Variants in RBFOX2 observed in about 807,000 individuals in gnomAD.
RBFOX2 encodes the protein RNA binding fox-1 homolog 2, also known as RNA binding protein fox-1 homolog 2.
Under a neutral mutation model 49.1 loss-of-function variants are expected in RBFOX2, and 10 were observed. That is an observed-to-expected ratio of 0.20 (90% CI 0.13 to 0.35). The LOEUF (loss-of-function observed/expected upper bound fraction) is 0.35, where lower values mean the gene tolerates loss of function less well. Among genes scored for constraint, RBFOX2 ranks in the 10% least tolerant of loss-of-function variants. The probability of loss-of-function intolerance (pLI) is 1.00; values close to 1 mark genes in which losing one functional copy is unlikely to be tolerated. For missense variants in RBFOX2, 323 were observed against 486.9 expected (o/e 0.66, Z 3.17); for synonymous variants, 183 against 187.4 (o/e 0.98, Z 0.19).
At chr22:35,786,697 C>T (rs937076269) in intron 2 of RBFOX2, among the ~76,000 whole-genome samples, 54 of 152,192 alleles carry the variant, frequency 3.5e-4, no homozygotes, top group Non-Finnish European at 2.6e-4. Flanking sequence ...ATATTATTTT[C>T]TTTAACCCTC....
intron 1 of RBFOX2, among the ~76,000 whole-genome samples, chr22:35,909,036 G>T (rs1425226706): frequency 2.0e-5 from 3 of 152,200 alleles, no homozygotes; most frequent in East Asian, 1.9e-4. Flanking sequence ...TATAGACAGG[G>T]TTTCACTGTG....
chr22:35,941,068 A>G (rs2053640523), upstream of RBFOX2, among the ~76,000 whole-genome samples: 2 of 152,194 alleles, frequency 1.3e-5, no homozygotes, highest in African/African-American at 4.8e-5. Flanking sequence ...CATAAATGCG[A>G]GATTTATGGT....
intron 1 of RBFOX2, among the ~76,000 whole-genome samples, chr22:35,932,686 GC>G (rs2052568720): frequency 6.6e-6 from 1 of 152,160 alleles, no homozygotes; most frequent in Admixed American, 6.5e-5. Context: ...TTTGAGATCA[GC>G]CTGGCCAACA....
chr22:35,806,184 T>C (rs1950698259), intron 2 of RBFOX2, among the ~76,000 whole-genome samples: 1 of 152,062 alleles, frequency 6.6e-6, no homozygotes, highest in Admixed American at 6.6e-5. Context: ...ACCACTCTGG[T>C]GTGCAATGTT....
chr22:35,929,238 C>T lies in RBFOX2; in HGVS notation c.-34+9609G>A, dbSNP rs144392062. On this transcript the variant is annotated intron_variant, in intron 1 of 13. Coordinates refer to the RBFOX2 transcript ENST00000359369. ...CCTCAAGTGATCCACCCACCTCAGCCTCCCAAAGTGCTGGGATTACAGGCA... is the reference window on the plus strand; with the variant it reads ...CCTCAAGTGATCCACCCACCTCAGCTTCCCAAAGTGCTGGGATTACAGGCA... Among the ~76,000 whole-genome samples the T allele has an allele frequency of 5.7e-4, 87 of 152,154 alleles. 1 individual carries two copies. Among genetic ancestry groups the T allele is most frequent in the African/African-American group, 2.0e-3 (81 of 41,524 alleles).
intron 1 of RBFOX2, among the ~76,000 whole-genome samples, chr22:35,908,265 G>C (rs1569480155): frequency 6.6e-6 from 1 of 152,146 alleles, no homozygotes; most frequent in Non-Finnish European, 1.5e-5. Flanking sequence ...CCCAAATAGA[G>C]AACAAATGTT....
intron 11 of RBFOX2, among the ~76,000 whole-genome samples, 164 bp downstream of exon 13, chr22:35,745,759 C>T (rs928145831): frequency 6.6e-6 from 1 of 152,162 alleles, no homozygotes; most frequent in African/African-American, 2.4e-5. Flanking sequence ...TAATAACACA[C>T]AAATAAAGAG....
chr22:35,797,735 T>C (rs1016221747), intron 2 of RBFOX2, among the ~76,000 whole-genome samples: 4 of 152,208 alleles, frequency 2.6e-5, no homozygotes, highest in African/African-American at 9.6e-5. Context: ...AAATAATACC[T>C]TGCATTGACT....
chr22:35,842,951 TAAAA>T (rs1344644444), upstream of RBFOX2, among the ~76,000 whole-genome samples: 1 of 152,148 alleles, frequency 6.6e-6, no homozygotes, highest in Non-Finnish European at 1.5e-5. Context: ...CAAATAGGCT[TAAAA>T]ATTTATTACA....
At chr22:35,991,253 T>C (rs994850864) in intron 1 of RBFOX2, among the ~76,000 whole-genome samples, 6 of 152,070 alleles carry the variant, frequency 3.9e-5, no homozygotes, top group Non-Finnish European at 7.4e-5. Context: ...TTGCTCACTG[T>C]GCAACAGGAA....
In RBFOX2 at chr22:35,782,908, T is replaced by C. The variant is rs142037668; in HGVS notation, c.253-1162A>G. Among the ~76,000 whole-genome samples, 837 of 152,354 alleles carry C rather than the reference T, an allele frequency of 5.5e-3. 4 individuals carry two copies. The highest frequency in any genetic ancestry group is 0.01 in the Middle Eastern group (3 of 294). Reference sequence around the variant, plus strand: ...TTTTTGCACTCATTTTAATGGGTTGTGCATGGTAACCCAATACGCTCACAC... The same window carrying C: ...TTTTTGCACTCATTTTAATGGGTTGCGCATGGTAACCCAATACGCTCACAC... On this transcript the variant is annotated intron_variant, in intron 2 of 11. Coordinates refer to ENST00000405409, the Ensembl canonical transcript of RBFOX2.
chr22:35,781,502 T>G, intron 3 of RBFOX2, 98 bp downstream of exon 4: 2 of 1,433,992 alleles, frequency 1.4e-6, no homozygotes, highest in Non-Finnish European at 1.9e-6. Context: ...TTCAATCTAT[T>G]TGTAGTTTAA....
At chr22:35,946,361 T>C (rs2054278337) in intron 1 of RBFOX2, among the ~76,000 whole-genome samples, 2 of 152,120 alleles carry the variant, frequency 1.3e-5, no homozygotes, top group African/African-American at 4.8e-5. Context: ...ACCTTGGGAG[T>C]TGAAGATACA....
At chr22:35,853,625 A>T (rs1201006061) in intron 1 of RBFOX2, among the ~76,000 whole-genome samples, 2 of 150,560 alleles carry the variant, frequency 1.3e-5, no homozygotes, top group African/African-American at 2.4e-5. Context: ...TACACATACC[A>T]TTATATGCCA....
At chr22:35,983,045 T>C (rs2057538893) in intron 1 of RBFOX2, among the ~76,000 whole-genome samples, 1 of 152,082 alleles carries the variant, frequency 6.6e-6, no homozygotes, top group Non-Finnish European at 1.5e-5. Context: ...CCAAGAATCA[T>C]CAGAAAAACA....
At chr22:35,963,938 G>T (rs2056410057), upstream of RBFOX2, among the ~76,000 whole-genome samples, 2 of 152,106 alleles carry the variant, frequency 1.3e-5, no homozygotes, top group Non-Finnish European at 2.9e-5. Flanking sequence ...TACAGATGGG[G>T]TTACACCATA....
chr22:35,935,543 T>G (rs903696762), intron 1 of RBFOX2, among the ~76,000 whole-genome samples: 1 of 152,156 alleles, frequency 6.6e-6, no homozygotes. Context: ...AAAGAATCAC[T>G]AAAAAAGTGA....
chr22:35,749,974 G>C lies in RBFOX2; in HGVS notation c.888-3413C>G, dbSNP rs1361024496. 6.6e-6 allele frequency among the ~76,000 whole-genome samples: 1 copy of C among 152,074 alleles called. No homozygotes were observed. The highest frequency in any genetic ancestry group is 1.5e-5 in the Non-Finnish European group (1 of 68,014). ...TCTCTTGGGACAGCGGTTTGCCCTA[G>C]GCTCTACCACAAGCTCGGTGAAGTA... On this transcript the variant is annotated intron_variant, in intron 9 of 11. Coordinates refer to ENST00000405409, the Ensembl canonical transcript of RBFOX2. The surrounding 1 kb of genome is among the most constrained non-coding windows in gnomAD (Gnocchi z 4.1).
intron 1 of RBFOX2, among the ~76,000 whole-genome samples, chr22:35,815,610 C>T (rs1281165307): frequency 6.6e-6 from 1 of 152,052 alleles, no homozygotes; most frequent in African/African-American, 2.4e-5. Flanking sequence ...ATTCCCATAC[C>T]ACATATATGG....
Sources: allele counts gnomAD v4.1 joint callset (sites outside exome capture counted in the v4.1 genomes callset), GRCh38; gene constraint gnomAD v4.1.1; non-coding constraint Gnocchi (gnomAD v3.1); transcripts MANE v1.5; gene names NCBI Gene and HGNC (gene_info 2026-07-23, HGNC 2026-07-21).